The following PTGDR variants were observed in gnomAD, a reference collection of about 807,000 sequenced individuals.
PTGDR encodes the protein PGD2 receptor.
A neutral mutation model predicts 17.4 loss-of-function variants in PTGDR; 19 were observed. The ratio of observed to expected loss-of-function variants is 1.09; its 90% CI spans 0.76 to 1.60. PTGDR has a LOEUF of 1.60. Among genes scored for constraint, PTGDR ranks in the 40% most tolerant of loss-of-function variants. The pLI is 0.00. For synonymous variants in PTGDR, 267 were observed against 224.2 expected, an observed-to-expected ratio of 1.19 and a Z score of -1.71; for missense variants, 526 against 481.9, an observed-to-expected ratio of 1.09 and a Z score of -0.86.
At chr14:52,269,224 A>G (rs993281450) in intron 1 of PTGDR, among the ~76,000 whole-genome samples, 1 of 152,174 alleles carries the variant, frequency 6.6e-6, no homozygotes, top group Non-Finnish European at 1.5e-5. Flanking sequence ...GCGTGCGTAA[A>G]CTTTGAGACG....
At chr14:52,278,772 C>T (rs577082485), downstream of PTGDR, among the ~76,000 whole-genome samples, 1 of 152,240 alleles carries the variant, frequency 6.6e-6, no homozygotes, top group South Asian at 2.1e-4. Context: ...TTTCTTTGGA[C>T]TGCTGCAGAC....
At chr14:52,278,907 ACT>A (rs67891382), downstream of PTGDR, among the ~76,000 whole-genome samples, 1 of 152,130 alleles carries the variant, frequency 6.6e-6, no homozygotes, top group Non-Finnish European at 1.5e-5. Context: ...ATATTTTCTA[ACT>A]CTCTATAGGA....
rs763428760 is a variant in PTGDR, at chr14:52,268,579, T to G, written c.765T>G (p.Pro255=). The change falls in exon 1 of 2, where the codon CCT becomes CCG. Residue 255 remains proline, a synonymous_variant. Transcript: ENST00000306051. ...GCGCGGACGGGAGGGAAGCGTCCCC[T>G]CAGCCCCTGGAGGAGCTGGATCACC... is the stretch of plus-strand genomic sequence containing the variant. ...EPRADGREAS[P]QPLEELDHLL... The G allele has an allele frequency of 6.2e-7, 1 of 1,612,262 alleles. No individual in the cohort carries two copies. The highest frequency in any genetic ancestry group is 8.5e-7 in the Non-Finnish European group (1 of 1,179,398).
At chr14:52,277,597 C>G (rs186991317), downstream of PTGDR, among the ~76,000 whole-genome samples, 9 of 152,314 alleles carry the variant, frequency 5.9e-5, no homozygotes, top group African/African-American at 2.2e-4. Context: ...AGCAACCCAA[C>G]AGTGTATCAA....
chr14:52,279,916 T>TA, downstream of PTGDR, among the ~76,000 whole-genome samples: 1 of 151,202 alleles, frequency 6.6e-6, no homozygotes, highest in South Asian at 2.1e-4. Context: ...GCAATAAAAA[T>TA]ACAGTCAAGT....
downstream of PTGDR, among the ~76,000 whole-genome samples, chr14:52,277,951 T>C (rs372216702): frequency 6.6e-6 from 1 of 152,226 alleles, no homozygotes; most frequent in African/African-American, 2.4e-5. Flanking sequence ...ATCCTTTCAG[T>C]TGCAGATAAT....
At chr14:52,280,709 T>C (rs764063853), downstream of PTGDR, among the ~76,000 whole-genome samples, 2 of 152,256 alleles carry the variant, frequency 1.3e-5, no homozygotes, top group Admixed American at 6.5e-5. Flanking sequence ...TATCTACATA[T>C]GTAAAAATGC....
rs1433681083 is a variant in PTGDR, at chr14:52,267,879, T to C, written c.65T>C (p.Met22Thr). The change falls in exon 1 of 2, where the codon ATG becomes ACG. Residue 22 changes from methionine (M) to threonine (T), a missense_variant. By Grantham distance (81) the Met-to-Thr change is moderately conservative. Coordinates refer to ENST00000306051, the MANE Select transcript of PTGDR (RefSeq NM_000953.3). ...GTGGAAAAAGGCAACTCGGCGGTGATGGGCGGGGTGCTCTTCAGCACCGGC... is the reference window on the plus strand; with the variant it reads ...GTGGAAAAAGGCAACTCGGCGGTGACGGGCGGGGTGCTCTTCAGCACCGGC... ...TSVEKGNSAV[M>T]GGVLFSTGLL... 3 of 1,604,438 alleles carry C rather than the reference T, an allele frequency of 1.9e-6. No individual in the cohort carries two copies. Among genetic ancestry groups the C allele is most frequent in the South Asian group, 1.1e-5 (1 of 90,298 alleles).
downstream of PTGDR, among the ~76,000 whole-genome samples, chr14:52,280,528 TG>T (rs1286281406): frequency 2.6e-5 from 4 of 152,212 alleles, no homozygotes; most frequent in African/African-American, 7.2e-5. Context: ...GGAAATTCCT[TG>T]GGGGCCCCAA....
chr14:52,270,521 C>T (rs1472144153), intron 1 of PTGDR, among the ~76,000 whole-genome samples: 8 of 151,764 alleles, frequency 5.3e-5, no homozygotes, highest in East Asian at 1.9e-4. Flanking sequence ...CCAGCCTGGG[C>T]GACAGAGCAA....
chr14:52,273,103 C>T (rs1019585055), intron 1 of PTGDR, among the ~76,000 whole-genome samples: 4 of 152,192 alleles, frequency 2.6e-5, no homozygotes, highest in Admixed American at 1.3e-4. Flanking sequence ...ACCTCGGCCT[C>T]CCAGGTTCAA....
downstream of PTGDR, among the ~76,000 whole-genome samples, chr14:52,278,141 C>A (rs1319051669): frequency 5.3e-5 from 8 of 152,206 alleles, no homozygotes; most frequent in African/African-American, 1.9e-4. Flanking sequence ...GATTATAAAT[C>A]ATGCTGCTAT....
Position 52,268,107 on chromosome 14 carries a change from C to T in PTGDR, c.293C>T (p.Pro98Leu), listed in dbSNP as rs1412864875. 1.2e-6 allele frequency: 2 copies of T among 1,613,918 alleles called. No individual in the cohort carries two copies. The highest frequency in any genetic ancestry group is 8.5e-7 in the Non-Finnish European group (1 of 1,180,050). Residue 98 changes from proline (P) to leucine (L), a missense_variant, in exon 1 of 2, where the codon CCC (proline) becomes CTC (leucine). By Grantham distance (98) the Pro-to-Leu change is moderately conservative (BLOSUM62 -3). Coordinates refer to ENST00000306051, the MANE Select transcript of PTGDR (RefSeq NM_000953.3). ...AACCGGAGTCTGCGGGTGCTTGCGC[C>T]CGCATTGGACAACTCGTTGTGCCAA... ...AQNRSLRVLA[P>L]ALDNSLCQAF...
chr14:52,269,710 C>T (rs965129535), intron 1 of PTGDR, among the ~76,000 whole-genome samples: 1 of 152,146 alleles, frequency 6.6e-6, no homozygotes, highest in East Asian at 1.9e-4. Context: ...AGCGATTTTC[C>T]TTTAAATGAA....
Position 52,275,213 on chromosome 14 carries a change from G to T in PTGDR, c.*249G>T. 5.2e-6 allele frequency: 2 copies of T among 384,768 alleles called. No individual in the cohort carries two copies. Among genetic ancestry groups the T allele is most frequent in the Non-Finnish European group, 9.3e-6 (2 of 214,420 alleles). 23.8% of individuals were successfully genotyped at this position (384,768 alleles called of 1,614,324 possible). ...ACTAAAATTTTATATATTGTAACCA[G>T]TGTTAAAAGTCTTAAAAAACAATGG... On this transcript the variant is annotated 3_prime_UTR_variant, in exon 2 of 2. Coordinates refer to ENST00000306051, the MANE Select transcript of PTGDR (RefSeq NM_000953.3).
chr14:52,268,238 C>A lies in PTGDR; in HGVS notation c.424C>A (p.Arg142=). The change falls in exon 1 of 2, where the codon CGG becomes AGG. Residue 142 remains arginine, a synonymous_variant. Coordinates refer to ENST00000306051, the MANE Select transcript of PTGDR (RefSeq NM_000953.3). Reference sequence around the variant, plus strand: ...CCTAGGGCACCCTTTCTTCTACCGACGGCACATCACCCTGCGCCTGGGCGC... The same window carrying A: ...CCTAGGGCACCCTTTCTTCTACCGAAGGCACATCACCCTGCGCCTGGGCGC... ...LSLGHPFFYR[R]HITLRLGALV... is the part of the protein sequence containing the mutation. The A allele has an allele frequency of 3.1e-6, 5 of 1,614,062 alleles. No homozygotes were observed. The highest frequency in any genetic ancestry group is 3.4e-6 in the Non-Finnish European group (4 of 1,180,046).
Position 52,268,175 on chromosome 14 carries a change from C to T in PTGDR, c.361C>T (p.Leu121=), listed in dbSNP as rs752171132. Residue 121 remains leucine (L), a synonymous_variant, in exon 1 of 2, where the codon CTG becomes TTG. Coordinates refer to ENST00000306051, the MANE Select transcript of PTGDR (RefSeq NM_000953.3). ...GTCCTTCTTTGGGCTCTCCTCGACA[C>T]TGCAACTCCTGGCCATGGCACTGGA... The part of the protein sequence containing the change: ...FMSFFGLSST[L]QLLAMALECW... The T allele has an allele frequency of 1.9e-6, 3 of 1,614,198 alleles. No individual in the cohort carries two copies. In the East Asian group the frequency reaches 6.7e-5, roughly 36 times the overall value.
intron 1 of PTGDR, among the ~76,000 whole-genome samples, chr14:52,270,019 T>C (rs1422855153): frequency 6.6e-6 from 1 of 152,138 alleles, no homozygotes; most frequent in Non-Finnish European, 1.5e-5. Flanking sequence ...GGTTCACATT[T>C]GTAGAATCAC....
chr14:52,277,274 G>A (rs892883982), downstream of PTGDR, among the ~76,000 whole-genome samples: 2 of 152,194 alleles, frequency 1.3e-5, no homozygotes, highest in African/African-American at 4.8e-5. Context: ...TAGGGACCAC[G>A]TGTAGGGTTG....
Sources: gnomAD v4.1 joint callset for allele counts (sites outside exome capture counted in the v4.1 genomes callset) on GRCh38, gnomAD v4.1.1 for gene constraint, MANE v1.5 for transcripts, NCBI Gene and HGNC (gene_info 2026-07-23, HGNC 2026-07-21) for gene names.